GASK1A: variants seen among roughly 807,000 people sequenced by gnomAD.
The protein encoded by GASK1A is golgi associated kinase 1A, also known as Golgi-associated kinase 1A.
GASK1A carries 40 observed loss-of-function variants against 41.2 expected under a neutral mutation model. The ratio of observed to expected loss-of-function variants is 0.97; its 90% confidence interval spans 0.75 to 1.27. The LOEUF is 1.27. GASK1A is among the 50% of genes most tolerant of loss of function. GASK1A has a pLI of 0.00. For synonymous variants in GASK1A, 316 were observed against 307.1 expected (o/e 1.03, Z -0.30); for missense variants, 678 against 745.1 (o/e 0.91, Z 1.05).
chr3:42,983,096 G>A (rs576397818), intron 1 of GASK1A, among the ~76,000 whole-genome samples: 1 of 152,308 alleles, frequency 6.6e-6, no homozygotes, highest in African/African-American at 2.4e-5. Flanking sequence ...GAGGGATGTG[G>A]TGTGGCTTGG....
intron 1 of GASK1A, among the ~76,000 whole-genome samples, chr3:42,982,174 A>G (rs1314622429): frequency 2.0e-5 from 3 of 152,200 alleles, no homozygotes; most frequent in African/African-American, 7.2e-5. Context: ...CGAAGATTGG[A>G]ACACTTGTCA....
rs187834619 is a variant in GASK1A, at chr3:42,994,926, C to G, written c.3+15281C>G. On this transcript the variant is annotated intron_variant, in intron 1 of 4. Transcript: ENST00000430121. ...TCTGAGATGATGGAAATGTTCTATC[C>G]TGTGCTGTCCAACATAGTAGCCACT... 1.1e-3 allele frequency among the ~76,000 whole-genome samples: 171 copies of G among 152,296 alleles called. 2 individuals carry two copies. Among genetic ancestry groups the G allele is most frequent in the Non-Finnish European group, 1.7e-3 (119 of 68,028 alleles).
intron 2 of GASK1A, among the ~76,000 whole-genome samples, chr3:43,044,961 C>G (rs2089655369): frequency 6.6e-6 from 1 of 152,056 alleles, no homozygotes. Flanking sequence ...GCCCCAAGCT[C>G]TGGGAGCCCA....
At chr3:43,000,945 A>C (rs1469431129) in intron 1 of GASK1A, among the ~76,000 whole-genome samples, 1 of 152,166 alleles carries the variant, frequency 6.6e-6, no homozygotes, top group Non-Finnish European at 1.5e-5. Flanking sequence ...AGACAAGAAA[A>C]ATTTTGTTCT....
At chr3:43,029,303 G>T (rs1186893973) in intron 1 of GASK1A, among the ~76,000 whole-genome samples, 1 of 152,124 alleles carries the variant, frequency 6.6e-6, no homozygotes, top group Non-Finnish European at 1.5e-5. Context: ...GGCAGGGGCA[G>T]AAAACCCTCA....
intron 1 of GASK1A, among the ~76,000 whole-genome samples, chr3:43,013,825 T>G (rs536616034): frequency 1.3e-5 from 2 of 148,664 alleles, no homozygotes; most frequent in South Asian, 2.1e-4. Flanking sequence ...AGGGGCTAGG[T>G]GAGGTCAGAG....
intron 3 of GASK1A, 96 bp from the exon 4 acceptor site, chr3:43,055,336 C>T (rs755715781): frequency 1.2e-6 from 1 of 806,822 alleles, no homozygotes; most frequent in South Asian, 1.6e-5. Flanking sequence ...ACTGACAGCT[C>T]AGGGCTGTCA....
At chr3:43,002,209 G>A (rs369568816) in intron 1 of GASK1A, among the ~76,000 whole-genome samples, 6 of 152,304 alleles carry the variant, frequency 3.9e-5, no homozygotes, top group Non-Finnish European at 5.9e-5. Flanking sequence ...GGCTGAGTAC[G>A]TGACATAATT....
At chr3:43,023,971 A>G (rs1252512134) in intron 1 of GASK1A, among the ~76,000 whole-genome samples, 1 of 152,150 alleles carries the variant, frequency 6.6e-6, no homozygotes. Flanking sequence ...CCGGCAGTAC[A>G]CAGGAGGATT....
rs1559409519 is a variant in GASK1A, at chr3:43,057,493, T to C, written c.*1107T>C. On this transcript the variant is annotated 3_prime_UTR_variant, in exon 5 of 5. Transcript: ENST00000430121. ...TCAGACTTTTGGGTTTTTTTTGGCC[T>C]ATTTAGGAGGAAAACCGATTTTAAA... 1.3e-5 allele frequency: 2 copies of C among 151,912 alleles called. No homozygotes were observed. Among genetic ancestry groups the C allele is most frequent in the African/African-American group, 4.8e-5 (2 of 41,376 alleles). 9.4% of individuals were successfully genotyped at this position (151,912 alleles called of 1,614,324 possible).
chr3:43,002,698 GATA>G (rs1427346529), intron 1 of GASK1A, among the ~76,000 whole-genome samples: 3 of 152,246 alleles, frequency 2.0e-5, no homozygotes, highest in Non-Finnish European at 2.9e-5. Flanking sequence ...ATGTTGAACT[GATA>G]ATATTTTTTA....
chr3:43,028,979 G>A (rs1383696313), intron 1 of GASK1A, among the ~76,000 whole-genome samples: 5 of 152,160 alleles, frequency 3.3e-5, no homozygotes, highest in African/African-American at 1.2e-4. Flanking sequence ...TCACCTGCTG[G>A]CTTCACAGAA....
At chr3:42,986,290 A>G (rs1241409583) in intron 1 of GASK1A, among the ~76,000 whole-genome samples, 2 of 152,194 alleles carry the variant, frequency 1.3e-5, no homozygotes, top group East Asian at 3.9e-4. Context: ...AGGGATGGAA[A>G]ACAGATCAGC....
rs539988745 is a variant in GASK1A, at chr3:43,017,641, C to T, written c.4-14626C>T. On this transcript the variant is annotated intron_variant, in intron 1 of 4. Transcript: ENST00000430121. ...GGCAATGGGAAGTCACAGGGAGGGGCAGTGTGAAGTCACAGAAAAAGGCAG... is the reference window on the plus strand; with the variant it reads ...GGCAATGGGAAGTCACAGGGAGGGGTAGTGTGAAGTCACAGAAAAAGGCAG... Among the ~76,000 whole-genome samples, 340 of 145,956 alleles carry T rather than the reference C, an allele frequency of 2.3e-3. 3 individuals carry two copies. Among genetic ancestry groups the T allele is most frequent in the African/African-American group, 8.4e-3 (324 of 38,782 alleles).
intron 1 of GASK1A, among the ~76,000 whole-genome samples, chr3:43,028,322 C>T (rs1200002697): frequency 6.6e-6 from 1 of 152,190 alleles, no homozygotes. Flanking sequence ...CTTCCTCTTC[C>T]CATCATGGCC....
At chr3:43,022,326 C>T (rs185384372) in intron 1 of GASK1A, among the ~76,000 whole-genome samples, 1 of 152,326 alleles carries the variant, frequency 6.6e-6, no homozygotes, top group Non-Finnish European at 1.5e-5. Context: ...CACAACTGCA[C>T]AACTGCCAAC....
Position 43,030,647 on chromosome 3 carries a change from G to A in GASK1A, c.4-1620G>A, listed in dbSNP as rs1286112187. Among the ~76,000 whole-genome samples the A allele has an allele frequency of 2.6e-5, 4 of 152,310 alleles. No homozygotes were observed. In the East Asian group the frequency reaches 5.8e-4, roughly 22 times the overall value. The stretch of plus-strand genomic sequence containing the variant: ...GTCATCTTTGGCTGGGTGGCAATGG[G>A]CCCCTGCTCTCTATTTCATGAGCAG... On this transcript the variant is annotated intron_variant, in intron 1 of 4. Coordinates refer to ENST00000430121, the MANE Select transcript of GASK1A (RefSeq NM_001129908.3).
chr3:42,985,738 C>T (rs1297262559), intron 1 of GASK1A, among the ~76,000 whole-genome samples: 1 of 151,984 alleles, frequency 6.6e-6, no homozygotes, highest in Non-Finnish European at 1.5e-5. Flanking sequence ...AGGGAGCCTC[C>T]AGGACAGGGA....
intron 1 of GASK1A, among the ~76,000 whole-genome samples, chr3:43,003,497 A>G (rs2125677516): frequency 1.3e-5 from 2 of 151,386 alleles, no homozygotes; most frequent in South Asian, 4.2e-4. Context: ...TGTCTCAAAA[A>G]AAAAAAAAAA....
Sources: gnomAD v4.1 joint callset for allele counts (sites outside exome capture counted in the v4.1 genomes callset) on GRCh38, gnomAD v4.1.1 for gene constraint, MANE v1.5 for transcripts, NCBI Gene and HGNC (gene_info 2026-07-23, HGNC 2026-07-21) for gene names.